Variants in PARD3B observed in about 807,000 individuals in gnomAD.
PARD3B encodes partitioning defective 3 homolog B.
PARD3B carries 103 observed loss-of-function variants against 130.2 expected under a neutral mutation model. The ratio of observed to expected loss-of-function variants is 0.79; its 90% confidence interval spans 0.67 to 0.93. The LOEUF (loss-of-function observed/expected upper bound fraction) is 0.93, where lower values mean the gene tolerates loss of function less well. Among genes scored for constraint, PARD3B ranks in the 40% least tolerant of loss-of-function variants. The pLI, the probability that PARD3B is intolerant of heterozygous loss-of-function variation, is 0.00. For missense variants in PARD3B, 1,609 were observed against 1,499.2 expected (o/e 1.07, Z -1.21); for synonymous variants, 583 against 553.2 (o/e 1.05, Z -0.76).
chr2:204,819,067 TACAC>T (rs2043241524), intron 2 of PARD3B, among the ~76,000 whole-genome samples: 1 of 152,204 alleles, frequency 6.6e-6, no homozygotes, highest in South Asian at 2.1e-4. Context: ...CAGTTGGAGA[TACAC>T]ACACATACAC....
intron 21 of PARD3B, among the ~76,000 whole-genome samples, chr2:205,546,412 A>T (rs1450463063): frequency 6.7e-6 from 1 of 149,898 alleles, no homozygotes; most frequent in African/African-American, 2.4e-5. Flanking sequence ...CATTAAAAAG[A>T]AAAAAAAAAC....
intron 1 of PARD3B, among the ~76,000 whole-genome samples, chr2:204,679,847 G>T (rs538645878): frequency 1.3e-4 from 19 of 151,632 alleles, no homozygotes; most frequent in Admixed American, 5.9e-4. Flanking sequence ...GAATAACTTA[G>T]GTTGATTTTT....
intron 1 of PARD3B, among the ~76,000 whole-genome samples, chr2:204,636,453 AGTGTGTGT>A (rs10596741): frequency 4.4e-4 from 62 of 139,484 alleles, no homozygotes; most frequent in Middle Eastern, 7.1e-3. Context: ...AGGTCAGGTG[AGTGTGTGT>A]GTGTGTGTGT....
intron 2 of PARD3B, among the ~76,000 whole-genome samples, chr2:204,761,777 A>G (rs1181379683): frequency 1.3e-5 from 2 of 152,144 alleles, no homozygotes; most frequent in African/African-American, 4.8e-5. Context: ...TTTTGGCTTT[A>G]ATGAAAGACC....
intron 2 of PARD3B, among the ~76,000 whole-genome samples, chr2:204,858,636 G>A (rs1395667381): frequency 1.3e-5 from 2 of 151,080 alleles, no homozygotes; most frequent in Non-Finnish European, 3.0e-5. Flanking sequence ...TTGTATTTAC[G>A]ATTTTTGCTA....
At chr2:205,004,537 C>T (rs894100028) in intron 3 of PARD3B, among the ~76,000 whole-genome samples, 2 of 152,046 alleles carry the variant, frequency 1.3e-5, no homozygotes, top group African/African-American at 2.4e-5. Context: ...TGATTTGCAT[C>T]GCTATTCTGA....
At chr2:205,144,458 T>TG (rs1553623992) in intron 10 of PARD3B, among the ~76,000 whole-genome samples, 3 of 152,206 alleles carry the variant, frequency 2.0e-5, no homozygotes, top group Non-Finnish European at 2.9e-5. Context: ...TAATTCTGGG[T>TG]AGATTTCCCC....
At position 205,370,283 on chromosome 2, in the gene PARD3B, A is replaced by G. The variant is rs184145972; in HGVS notation, c.2631-30730A>G. On this transcript the variant is annotated intron_variant, in intron 18 of 22. Transcript: ENST00000406610. Reference sequence around the variant, plus strand: ...GTTTTTTATTTCACCAAGTAAAAACATAAATGAAACCCCTCATCTACTAGA... The same window carrying G: ...GTTTTTTATTTCACCAAGTAAAAACGTAAATGAAACCCCTCATCTACTAGA... 2.6e-5 allele frequency among the ~76,000 whole-genome samples: 4 copies of G among 152,382 alleles called. No homozygotes were observed. In the East Asian group the frequency reaches 7.7e-4, roughly 29 times the overall value.
intron 2 of PARD3B, among the ~76,000 whole-genome samples, chr2:204,794,619 A>G (rs572279102): frequency 2.3e-4 from 35 of 152,352 alleles, no homozygotes; most frequent in African/African-American, 8.2e-4. Context: ...AGCACAGATA[A>G]CAGTAACATG....
At position 205,463,951 on chromosome 2, in the gene PARD3B, C is replaced by G. The variant is rs114579859; in HGVS notation, c.3044+23279C>G. 3.9e-3 allele frequency among the ~76,000 whole-genome samples: 599 copies of G among 152,242 alleles called. 1 individual carries two copies. The highest frequency in any genetic ancestry group is 0.014 in the African/African-American group (564 of 41,542). ...TCACTAAAACCTTCATCCCAGGTAA[C>G]CAGGCAGATTTTATTTCCTACCTGC... On this transcript the variant is annotated intron_variant, in intron 20 of 22. Transcript: ENST00000406610. This position sits in a 1 kb window ranked among gnomAD's most constrained non-coding sequence, Gnocchi z 4.8.
intron 2 of PARD3B, among the ~76,000 whole-genome samples, chr2:204,920,020 G>A (rs1038782656): frequency 6.6e-6 from 1 of 151,692 alleles, no homozygotes; most frequent in African/African-American, 2.4e-5. Context: ...CTATAGTCAT[G>A]TTAATTTGGA....
intron 1 of PARD3B, among the ~76,000 whole-genome samples, chr2:204,649,223 A>G (rs1177291375): frequency 6.6e-6 from 1 of 150,996 alleles, no homozygotes; most frequent in Non-Finnish European, 1.5e-5. Context: ...GTGATGTTGA[A>G]CATGTTATTT....
In PARD3B at chr2:204,784,621, G is replaced by A. The variant is rs528596317; in HGVS notation, c.222+98339G>A. On this transcript the variant is annotated intron_variant, in intron 2 of 22. Transcript: ENST00000406610. ...GAAATCATTTGTGTTACGTACTGAA[G>A]GTTGATGTTGGGTACCAAGTTTAAT... 1.3e-5 allele frequency among the ~76,000 whole-genome samples: 2 copies of A among 152,140 alleles called. 1 individual carries two copies. The highest frequency in any genetic ancestry group is 3.9e-4 in the East Asian group (2 of 5,192).
chr2:205,258,646 T>C lies in PARD3B; in HGVS notation c.2185+12824T>C, dbSNP rs564021039. Among the ~76,000 whole-genome samples the C allele has an allele frequency of 6.6e-6, 1 of 152,312 alleles. No homozygotes were observed. Among genetic ancestry groups the C allele is most frequent in the South Asian group, 2.1e-4 (1 of 4,830 alleles). On this transcript the variant is annotated intron_variant, in intron 16 of 22. Coordinates refer to ENST00000406610, the MANE Select transcript of PARD3B (RefSeq NM_001302769.2). The surrounding 1 kb of genome is among the most constrained non-coding windows in gnomAD (Gnocchi z 4.9). ...TGGCACACGGCAGGCATCCTTTACGTAGTACTTGCTAAATCTTTTTTCTTG... is the reference window on the plus strand; with the variant it reads ...TGGCACACGGCAGGCATCCTTTACGCAGTACTTGCTAAATCTTTTTTCTTG...
intron 22 of PARD3B, among the ~76,000 whole-genome samples, chr2:205,555,914 A>AAATT (rs1304941333): frequency 6.6e-6 from 1 of 152,194 alleles, no homozygotes; most frequent in Non-Finnish European, 1.5e-5. Flanking sequence ...GGGGGGCTCC[A>AAATT]AATTAAACTA....
chr2:204,917,431 G>GGT (rs1314826492), intron 2 of PARD3B, among the ~76,000 whole-genome samples: 2 of 152,156 alleles, frequency 1.3e-5, no homozygotes, highest in Non-Finnish European at 1.5e-5. Context: ...CATGTGAGGA[G>GGT]TGAGAGGACC....
intron 3 of PARD3B, among the ~76,000 whole-genome samples, chr2:205,039,063 T>C (rs926948971): frequency 6.6e-6 from 1 of 152,062 alleles, no homozygotes; most frequent in East Asian, 1.9e-4. Context: ...GCTATTGATA[T>C]CATTACCAGT....
chr2:204,766,567 A>T (rs867829651), intron 2 of PARD3B, among the ~76,000 whole-genome samples: 1 of 152,066 alleles, frequency 6.6e-6, no homozygotes, highest in Non-Finnish European at 1.5e-5. Context: ...TTCATATTAC[A>T]TTCACAGTCA....
chr2:204,861,923 T>TAAAA (rs2045220986), intron 2 of PARD3B, among the ~76,000 whole-genome samples: 1 of 18,122 alleles, frequency 5.5e-5, no homozygotes, highest in African/African-American at 3.7e-4. Context: ...AAGACATTTC[T>TAAAA]CAAAAAAAAA....
Sources: allele counts gnomAD v4.1 joint callset (sites outside exome capture counted in the v4.1 genomes callset), GRCh38; gene constraint gnomAD v4.1.1; non-coding constraint Gnocchi (gnomAD v3.1); transcripts MANE v1.5; gene names NCBI Gene and HGNC (gene_info 2026-07-23, HGNC 2026-07-21).